AGK: variants seen among roughly 807,000 people sequenced by gnomAD.
AGK encodes acylglycerol kinase, also known as acylglycerol kinase, mitochondrial.
Under a neutral mutation model 66.4 loss-of-function variants are expected in AGK, and 52 were observed. The observed-to-expected ratio is 0.78, with a 90% CI of 0.63 to 0.99. The LOEUF is 0.99. AGK is among the 50% of genes least tolerant of loss of function. AGK has a pLI of 0.00. For missense variants in AGK, 451 were observed against 506.6 expected (o/e 0.89, Z 1.05); for synonymous variants, 182 against 181.1 (o/e 1.00, Z -0.04).
chr7:141,642,768 T>A (rs1797318312), intron 13 of AGK, among the ~76,000 whole-genome samples: 1 of 152,244 alleles, frequency 6.6e-6, no homozygotes, highest in South Asian at 2.1e-4. Flanking sequence ...TAAAGTTTTA[T>A]TGGAGCACAG....
intron 1 of AGK, among the ~76,000 whole-genome samples, chr7:141,554,462 A>C (rs975569159): frequency 6.6e-6 from 1 of 152,012 alleles, no homozygotes; most frequent in African/African-American, 2.4e-5. Flanking sequence ...TGCTAATTTT[A>C]CTTAACATTA....
At chr7:141,624,912 G>A (rs1472782549) in intron 9 of AGK, among the ~76,000 whole-genome samples, 1 of 151,960 alleles carries the variant, frequency 6.6e-6, no homozygotes, top group Non-Finnish European at 1.5e-5. Flanking sequence ...ATGAAAGGAT[G>A]AGTCAACAGA....
At chr7:141,616,915 G>T (rs910300229) in intron 8 of AGK, among the ~76,000 whole-genome samples, 1 of 151,738 alleles carries the variant, frequency 6.6e-6, no homozygotes, top group African/African-American at 2.4e-5. Context: ...CCGCCACCAC[G>T]CCCGGCTAAT....
At chr7:141,617,487 A>C (rs1796733090) in intron 8 of AGK, among the ~76,000 whole-genome samples, 1 of 152,236 alleles carries the variant, frequency 6.6e-6, no homozygotes, top group Non-Finnish European at 1.5e-5. Context: ...AAATGGCAGA[A>C]GCCTAAGGCT....
chr7:141,553,444 G>T (rs958942032), intron 1 of AGK, among the ~76,000 whole-genome samples: 4 of 152,176 alleles, frequency 2.6e-5, no homozygotes, highest in Admixed American at 2.0e-4. Context: ...CCCTAGACCA[G>T]GTTAGGTTCA....
intron 9 of AGK, among the ~76,000 whole-genome samples, chr7:141,622,688 A>G (rs553059907): frequency 2.0e-5 from 3 of 152,298 alleles, no homozygotes; most frequent in East Asian, 3.9e-4. Flanking sequence ...TTGAAATTAG[A>G]CCAATTAATA....
Position 141,651,454 on chromosome 7 carries a change from G to T in AGK, c.1047-71G>T, listed in dbSNP as rs1306183284. Reference sequence around the variant, plus strand: ...TAAGCTCATAAAAAGGGGGAAAGAAGTTGCTACATTGTTGCAACCTAGTGC... The same window carrying T: ...TAAGCTCATAAAAAGGGGGAAAGAATTTGCTACATTGTTGCAACCTAGTGC... On this transcript the variant is annotated intron_variant, in intron 14 of 15. Coordinates refer to ENST00000649286, the MANE Select transcript of AGK (RefSeq NM_018238.4). The T allele has an allele frequency of 1.2e-5, 15 of 1,268,604 alleles. No individual in the cohort carries two copies. In the Admixed American group the frequency reaches 2.6e-4, roughly 22 times the overall value. The allele number at this position is 1,268,604 out of a possible 1,614,324, so 78.6% of individuals were successfully genotyped here. A position where few individuals can be genotyped will look rare whatever the true frequency, so the allele number is the denominator to read the frequency against.
intron 1 of AGK, among the ~76,000 whole-genome samples, chr7:141,554,983 G>T (rs1300891764): frequency 1.3e-5 from 2 of 152,040 alleles, no homozygotes; most frequent in African/African-American, 4.8e-5. Flanking sequence ...TGAGGACCTG[G>T]TATTTTCTTC....
chr7:141,601,575 C>G (rs969609006), intron 5 of AGK, among the ~76,000 whole-genome samples: 6 of 152,124 alleles, frequency 3.9e-5, no homozygotes, highest in Non-Finnish European at 7.4e-5. Flanking sequence ...AATTCTTTTC[C>G]TGAAAATACA....
chr7:141,562,473 G>T (rs980665349), intron 2 of AGK, among the ~76,000 whole-genome samples: 1 of 152,200 alleles, frequency 6.6e-6, no homozygotes, highest in Non-Finnish European at 1.5e-5. Flanking sequence ...ACCTTCAGGT[G>T]GGGGCAGGGT....
In AGK at chr7:141,641,309, A is replaced by G. The variant is rs138656216; in HGVS notation, c.788A>G (p.Asn263Ser). The change falls in exon 12 of 16, where the codon AAT becomes AGT. Residue 263 changes from asparagine to serine, a missense_variant. Asn to Ser is a conservative substitution (Grantham distance 46, BLOSUM62 1). Coordinates refer to ENST00000649286, the MANE Select transcript of AGK (RefSeq NM_018238.4). ...ACGGGACCTACAGAGAGACCTCCCA[A>G]TGAACCAGAGGAGACCCCTGTACAA... is the stretch of plus-strand genomic sequence containing the variant. ...SYTGPTERPP[N>S]EPEETPVQRP... The G allele has an allele frequency of 2.2e-5, 36 of 1,614,018 alleles. No individual in the cohort carries two copies. The African/African-American group carries it at 3.7e-4, about 17-fold the overall frequency.
At chr7:141,573,707 C>T (rs560457741) in intron 2 of AGK, among the ~76,000 whole-genome samples, 6 of 152,180 alleles carry the variant, frequency 3.9e-5, no homozygotes, top group Non-Finnish European at 8.8e-5. Context: ...ATTTCACGCA[C>T]GCTATTTATA....
chr7:141,636,867 G>A, intron 10 of AGK, 93 bp from the exon 11 acceptor site: 2 of 1,019,826 alleles, frequency 2.0e-6, no homozygotes, highest in Non-Finnish European at 3.0e-6. Flanking sequence ...TAGCAGAGAT[G>A]TAATTCTAAT....
intron 2 of AGK, among the ~76,000 whole-genome samples, chr7:141,556,554 A>T (rs574248718): frequency 7.1e-4 from 108 of 152,004 alleles, no homozygotes; most frequent in South Asian, 3.7e-3. Context: ...AAAAAAAAAA[A>T]AAATAAAGAA....
At chr7:141,618,219 G>A (rs573853074) in intron 8 of AGK, among the ~76,000 whole-genome samples, 1 of 152,318 alleles carries the variant, frequency 6.6e-6, no homozygotes, top group East Asian at 1.9e-4. Context: ...GATTTTAGAT[G>A]TGGATTTTTT....
At chr7:141,638,189 A>G (rs368500596) in intron 11 of AGK, among the ~76,000 whole-genome samples, 5 of 152,294 alleles carry the variant, frequency 3.3e-5, no homozygotes, top group East Asian at 3.9e-4. Flanking sequence ...CAGTTTGGCA[A>G]GTGCTGTGAG....
At position 141,574,512 on chromosome 7, in the gene AGK, A is replaced by G. The variant is rs538810586; in HGVS notation, c.102-18634A>G. Among the ~76,000 whole-genome samples the G allele has an allele frequency of 1.6e-4, 25 of 152,330 alleles. No individual in the cohort carries two copies. The East Asian group carries it at 2.3e-3, about 14-fold the overall frequency. On this transcript the variant is annotated intron_variant, in intron 2 of 15. Transcript: ENST00000649286. ...TCATGTTCTAACAGGAGAAAAAGTG[A>G]GCTATGAAGACAGGCTTCCTCCACT...
chr7:141,618,243 T>A lies in AGK; in HGVS notation c.518+2678T>A, dbSNP rs115325205. On this transcript the variant is annotated intron_variant, in intron 8 of 15. Transcript: ENST00000649286. ...TGTGGATTTTTTCTTTGGGAATCCA[T>A]TGATATCCATTTGATACGTCCAAAG... 1.0e-2 allele frequency among the ~76,000 whole-genome samples: 1,518 copies of A among 152,292 alleles called. 25 individuals carry two copies. The highest frequency in any genetic ancestry group is 0.035 in the African/African-American group (1,448 of 41,556).
Position 141,652,857 on chromosome 7 carries a change from C to T in AGK, c.1202C>T (p.Pro401Leu). The T allele has an allele frequency of 6.2e-7, 1 of 1,613,888 alleles. No homozygotes were observed. Among genetic ancestry groups the T allele is most frequent in the East Asian group, 2.2e-5 (1 of 44,860 alleles). ...EAMPVEVKLL[P>L]RKLQFFCDPR... ...ATGCCTGTGGAGGTGAAACTGCTCC[C>T]CAGGAAGCTGCAGTTCTTCTGTGAT... is the stretch of plus-strand genomic sequence containing the variant. The change falls in exon 16 of 16, where the codon CCC (proline) becomes CTC (leucine). Residue 401 changes from proline to leucine, a missense_variant. Transcript: ENST00000649286.
Sources: gnomAD v4.1 joint callset for allele counts (sites outside exome capture counted in the v4.1 genomes callset) on GRCh38, gnomAD v4.1.1 for gene constraint, MANE v1.5 for transcripts, NCBI Gene and HGNC (gene_info 2026-07-23, HGNC 2026-07-21) for gene names.